Variants in ATRNL1 observed in about 807,000 individuals in gnomAD.
ATRNL1 encodes the protein attractin like 1.
ATRNL1 carries 95 observed loss-of-function variants against 182.7 expected under a neutral mutation model. That is an observed-to-expected ratio of 0.52 (90% CI 0.44 to 0.62). The LOEUF (loss-of-function observed/expected upper bound fraction) is 0.62, where lower values mean the gene tolerates loss of function less well. ATRNL1 is among the 20% of genes least tolerant of loss of function. The pLI, the probability that ATRNL1 is intolerant of heterozygous loss-of-function variation, is 0.00. For missense variants in ATRNL1, 1,471 were observed against 1,679.5 expected (o/e 0.88, Z 2.17); for synonymous variants, 576 against 568.3 (o/e 1.01, Z -0.19).
chr10:115,133,219 T>C (rs1845340849), intron 5 of ATRNL1, among the ~76,000 whole-genome samples: 1 of 152,156 alleles, frequency 6.6e-6, no homozygotes, highest in Non-Finnish European at 1.5e-5. Flanking sequence ...TTTTGTCAGG[T>C]TTGTCAAAGA....
chr10:115,362,983 G>C (rs1420845865), intron 19 of ATRNL1, among the ~76,000 whole-genome samples: 1 of 151,958 alleles, frequency 6.6e-6, no homozygotes, highest in Admixed American at 6.6e-5. Context: ...ATAAACATAC[G>C]TGTGCATGTG....
chr10:115,311,317 G>A (rs1365196250), intron 17 of ATRNL1, among the ~76,000 whole-genome samples: 3 of 150,980 alleles, frequency 2.0e-5, no homozygotes, highest in African/African-American at 4.9e-5. Context: ...AGCCTCCCAA[G>A]TAGCTGGGAT....
At chr10:115,247,122 C>G (rs75400257) in intron 10 of ATRNL1, among the ~76,000 whole-genome samples, 1 of 151,826 alleles carries the variant, frequency 6.6e-6, no homozygotes, top group Non-Finnish European at 1.5e-5. Flanking sequence ...TGCAAAAGGC[C>G]GCAACAGCAC....
intron 26 of ATRNL1, among the ~76,000 whole-genome samples, chr10:115,588,949 A>G (rs1422598112): frequency 6.6e-6 from 1 of 152,204 alleles, no homozygotes; most frequent in Non-Finnish European, 1.5e-5. Flanking sequence ...TTCCATGTTT[A>G]GCATTCTTTT....
intron 8 of ATRNL1, among the ~76,000 whole-genome samples, chr10:115,197,796 A>T (rs1251589656): frequency 6.6e-6 from 1 of 152,152 alleles, no homozygotes; most frequent in Non-Finnish European, 1.5e-5. Flanking sequence ...ATTTGGTTGA[A>T]AGAATCTATA....
At chr10:115,717,849 C>T (rs114624140) in intron 26 of ATRNL1, among the ~76,000 whole-genome samples, 2,513 of 152,112 alleles carry the variant, frequency 0.017, 53 homozygotes, top group African/African-American at 0.055. Context: ...CCACCTCACC[C>T]GGCCTGAAAT....
chr10:115,503,455 AC>A (rs1317842115), intron 24 of ATRNL1, among the ~76,000 whole-genome samples: 1 of 152,092 alleles, frequency 6.6e-6, no homozygotes, highest in East Asian at 1.9e-4. Context: ...GCTATTTTAC[AC>A]CCTTAAAAGG....
In ATRNL1 at chr10:115,858,178, A is replaced by G. The variant is rs114213299; in HGVS notation, c.4018+10187A>G. On this transcript the variant is annotated intron_variant, in intron 28 of 28. Transcript: ENST00000355044. ...ACTGGAAATACCATTTAACCCAGCA[A>G]TCCCATTGCTGAGTGTTTACGCAAA... 3.4e-3 allele frequency among the ~76,000 whole-genome samples: 523 copies of G among 152,294 alleles called. 4 individuals are homozygous for G. Among genetic ancestry groups the G allele is most frequent in the African/African-American group, 0.012 (501 of 41,556 alleles).
At chr10:115,937,747 T>C (rs1171478550) in intron 28 of ATRNL1, among the ~76,000 whole-genome samples, 1 of 152,184 alleles carries the variant, frequency 6.6e-6, no homozygotes, top group Non-Finnish European at 1.5e-5. Context: ...GGTATTTCCA[T>C]TTAAATCTGA....
chr10:115,809,006 TTTTG>T (rs369252077), intron 27 of ATRNL1, among the ~76,000 whole-genome samples: 65 of 152,250 alleles, frequency 4.3e-4, no homozygotes, highest in African/African-American at 1.5e-3. Context: ...TTGGCACATG[TTTTG>T]TTTGTTTGTT....
rs1249203406 is a variant in ATRNL1, at chr10:115,549,656, AT to A, written c.3795+121del. 1.2e-4 allele frequency: 69 copies of A among 571,014 alleles called. 1 individual carries two copies. The African/African-American group carries it at 1.3e-3, about 10-fold the overall frequency. The allele number at this position is 571,014 out of a possible 1,614,324, so 35.4% of individuals were successfully genotyped here. The stretch of plus-strand genomic sequence containing the variant: ...AATTTCAAATCATTTTTACATACTA[AT>A]ATTCAAAAATCACTCTAGTATTTTT... On this transcript the variant is annotated intron_variant, in intron 26 of 28. Coordinates refer to ENST00000355044, the MANE Select transcript of ATRNL1 (RefSeq NM_207303.4).
chr10:115,516,878 G>T (rs1245154369), intron 24 of ATRNL1, among the ~76,000 whole-genome samples: 1 of 151,726 alleles, frequency 6.6e-6, no homozygotes, highest in African/African-American at 2.4e-5. Flanking sequence ...CAAATTAGCC[G>T]CAAATCCTCC....
At chr10:115,216,979 A>C (rs1198137709) in intron 9 of ATRNL1, among the ~76,000 whole-genome samples, 1 of 151,724 alleles carries the variant, frequency 6.6e-6, no homozygotes, top group Non-Finnish European at 1.5e-5. Context: ...CTGTACATTT[A>C]ATATTTGTAA....
intron 26 of ATRNL1, among the ~76,000 whole-genome samples, chr10:115,554,231 A>G (rs11197295): frequency 0.66 from 99,359 of 151,286 alleles, 33,538 homozygotes; most frequent in Middle Eastern, 0.74. Context: ...GTTGCTTGTC[A>G]TTTGCTTTTT....
intron 28 of ATRNL1, among the ~76,000 whole-genome samples, chr10:115,911,799 G>T (rs1432971589): frequency 8.5e-5 from 13 of 152,132 alleles, no homozygotes; most frequent in Admixed American, 8.5e-4. Flanking sequence ...AAGAGCACAA[G>T]GGAGATGCTG....
chr10:115,627,260 C>A (rs2133820233), intron 26 of ATRNL1, among the ~76,000 whole-genome samples: 1 of 152,266 alleles, frequency 6.6e-6, no homozygotes, highest in African/African-American at 2.4e-5. Flanking sequence ...TTTACCTATT[C>A]TGAGTATTTC....
intron 26 of ATRNL1, among the ~76,000 whole-genome samples, chr10:115,698,457 T>C (rs572459484): frequency 1.3e-5 from 2 of 152,132 alleles, no homozygotes; most frequent in South Asian, 4.1e-4. Context: ...CAGTTGAACA[T>C]AAAGTTGCTA....
At chr10:115,847,441 CTATGTA>C (rs1267023624) in intron 27 of ATRNL1, among the ~76,000 whole-genome samples, 8 of 151,978 alleles carry the variant, frequency 5.3e-5, no homozygotes, top group Non-Finnish European at 1.2e-4. Flanking sequence ...AATTATTTCA[CTATGTA>C]TATGTATATG....
intron 26 of ATRNL1, among the ~76,000 whole-genome samples, chr10:115,716,476 A>G (rs1180492167): frequency 6.6e-6 from 1 of 152,224 alleles, no homozygotes; most frequent in African/African-American, 2.4e-5. Context: ...CGAACTCCTT[A>G]TACACTAAAT....
Sources: allele counts gnomAD v4.1 joint callset (sites outside exome capture counted in the v4.1 genomes callset), GRCh38; gene constraint gnomAD v4.1.1; transcripts MANE v1.5; gene names NCBI Gene and HGNC (gene_info 2026-07-23, HGNC 2026-07-21).